CDH12: variants seen among roughly 807,000 people sequenced by gnomAD.
CDH12 encodes the protein cadherin-12.
In CDH12, 41 loss-of-function variants were observed where a neutral mutation model predicts 74.1. The ratio of observed to expected loss-of-function variants is 0.55; its 90% CI spans 0.43 to 0.72. The LOEUF (loss-of-function observed/expected upper bound fraction) is 0.72. Among genes scored for constraint, CDH12 ranks in the 30% least tolerant of loss-of-function variants. The pLI, the probability that CDH12 is intolerant of heterozygous loss-of-function variation, is 0.00. For missense variants in CDH12, 945 were observed against 977.2 expected (o/e 0.97, Z 0.44); for synonymous variants, 399 against 355.0 (o/e 1.12, Z -1.39).
chr5:22,717,915 G>GA (rs1041103916), intron 1 of CDH12, among the ~76,000 whole-genome samples: 26 of 150,550 alleles, frequency 1.7e-4, no homozygotes, highest in Middle Eastern at 3.2e-3. Context: ...CATCCACAAA[G>GA]AAAAAAAAAG....
chr5:22,152,517 T>C (rs2150310806), intron 4 of CDH12, among the ~76,000 whole-genome samples: 1 of 152,228 alleles, frequency 6.6e-6, no homozygotes, highest in African/African-American at 2.4e-5. Flanking sequence ...CAGATAAAAT[T>C]TTATGTATTT....
At chr5:21,883,586 G>T in intron 6 of CDH12, 1 of 1,604,034 alleles carries the variant, frequency 6.2e-7, no homozygotes, top group Non-Finnish European at 8.5e-7. Flanking sequence ...GGTTGACCCT[G>T]AATCTTGAAG....
At chr5:22,391,972 G>A (rs1742266870) in intron 3 of CDH12, among the ~76,000 whole-genome samples, 1 of 152,158 alleles carries the variant, frequency 6.6e-6, no homozygotes, top group East Asian at 1.9e-4. Flanking sequence ...AGGCAGCAAT[G>A]AAAGGCACCA....
At chr5:22,350,660 A>G (rs944531325) in intron 3 of CDH12, among the ~76,000 whole-genome samples, 9 of 152,200 alleles carry the variant, frequency 5.9e-5, no homozygotes, top group Non-Finnish European at 7.3e-5. Context: ...ATTGCATGGT[A>G]GATATTATCC....
intron 3 of CDH12, among the ~76,000 whole-genome samples, chr5:22,358,570 A>G (rs1185035372): frequency 6.6e-6 from 1 of 152,204 alleles, no homozygotes; most frequent in Non-Finnish European, 1.5e-5. Context: ...AATATATATA[A>G]TTGGGCCTAA....
chr5:21,880,255 A>C (rs1375805437), intron 6 of CDH12, among the ~76,000 whole-genome samples: 1 of 152,166 alleles, frequency 6.6e-6, no homozygotes, highest in East Asian at 1.9e-4. Flanking sequence ...ATTTCCTTCC[A>C]ACTACCTTAC....
At chr5:22,101,911 C>T (rs962635095) in intron 4 of CDH12, among the ~76,000 whole-genome samples, 4 of 152,102 alleles carry the variant, frequency 2.6e-5, no homozygotes, top group Non-Finnish European at 2.9e-5. Context: ...TCAACTCTGC[C>T]ATTGTAGCTC....
At chr5:22,848,038 C>G (rs1737386261) in intron 1 of CDH12, among the ~76,000 whole-genome samples, 1 of 152,112 alleles carries the variant, frequency 6.6e-6, no homozygotes, top group South Asian at 2.1e-4. Context: ...TGTGCACCAC[C>G]ATGCCTGGTG....
At chr5:21,767,413 T>C (rs1745089366) in intron 11 of CDH12, among the ~76,000 whole-genome samples, 1 of 151,742 alleles carries the variant, frequency 6.6e-6, no homozygotes, top group African/African-American at 2.4e-5. Context: ...ACCTACAAAA[T>C]AGATTCTAAT....
At position 22,075,119 on chromosome 5, in the gene CDH12, T is replaced by A. The variant is rs866933188; in HGVS notation, c.231+3327A>T. Among the ~76,000 whole-genome samples the A allele has an allele frequency of 8.3e-3, 1,255 of 151,046 alleles. 10 individuals carry two copies. Among genetic ancestry groups the A allele is most frequent in the African/African-American group, 0.029 (1,207 of 41,162 alleles). On this transcript the variant is annotated intron_variant, in intron 5 of 14. Transcript: ENST00000382254. ...ATGTGGCACATATACACCATGGAAT[T>A]CTATGCAGCCATAAAAAAGGATGAG...
intron 5 of CDH12, among the ~76,000 whole-genome samples, chr5:22,054,824 G>T (rs1740627403): frequency 6.6e-6 from 1 of 151,990 alleles, no homozygotes; most frequent in Non-Finnish European, 1.5e-5. Flanking sequence ...TTAAAGCCAA[G>T]AATAGGCTAC....
At chr5:21,830,913 C>A (rs1748981531) in intron 8 of CDH12, among the ~76,000 whole-genome samples, 2 of 151,836 alleles carry the variant, frequency 1.3e-5, no homozygotes, top group Admixed American at 6.6e-5. Flanking sequence ...ATGGCGGGTG[C>A]CTGTAATCCC....
chr5:22,811,090 C>T (rs1056894597), intron 1 of CDH12, among the ~76,000 whole-genome samples: 33 of 151,190 alleles, frequency 2.2e-4, no homozygotes, highest in South Asian at 4.2e-4. Context: ...TATATACACA[C>T]GTATATGTAC....
At chr5:22,251,488 T>A (rs1753129351) in intron 3 of CDH12, among the ~76,000 whole-genome samples, 2 of 152,196 alleles carry the variant, frequency 1.3e-5, no homozygotes, top group South Asian at 4.1e-4. Context: ...ATCTCTTATC[T>A]CTTGCTAATG....
chr5:22,736,183 C>G (rs1744709927), intron 1 of CDH12, among the ~76,000 whole-genome samples: 1 of 151,690 alleles, frequency 6.6e-6, no homozygotes, highest in Non-Finnish European at 1.5e-5. Context: ...TTTGTTATTT[C>G]CTCCATCCTA....
chr5:21,907,363 C>A (rs1446155887), intron 6 of CDH12, among the ~76,000 whole-genome samples: 1 of 152,076 alleles, frequency 6.6e-6, no homozygotes, highest in Non-Finnish European at 1.5e-5. Context: ...TTCTCACTAA[C>A]CTTAAGAGCA....
chr5:21,884,290 G>T, intron 6 of CDH12: 13 of 1,453,698 alleles, frequency 8.9e-6, no homozygotes, highest in Non-Finnish European at 1.3e-5. Context: ...ATGGGAGGTG[G>T]TATGGGAGGT....
chr5:22,111,443 G>A (rs990531424), intron 4 of CDH12, among the ~76,000 whole-genome samples: 11 of 152,100 alleles, frequency 7.2e-5, no homozygotes, highest in Admixed American at 5.9e-4. Flanking sequence ...ATCTAGGAAC[G>A]TTCTCTGTTC....
intron 2 of CDH12, among the ~76,000 whole-genome samples, chr5:22,425,077 TAGAG>T (rs56983010): frequency 0.2 from 19,930 of 101,258 alleles, 1,687 homozygotes; most frequent in East Asian, 0.33. Flanking sequence ...TATATATATA[TAGAG>T]AGAGAGAGAG....
Sources: gnomAD v4.1 joint callset for allele counts (sites outside exome capture counted in the v4.1 genomes callset) on GRCh38, gnomAD v4.1.1 for gene constraint, MANE v1.5 for transcripts, NCBI Gene and HGNC (gene_info 2026-07-23, HGNC 2026-07-21) for gene names.